The following CATSPERD variants were observed in gnomAD, a reference collection of about 807,000 sequenced individuals.
CATSPERD encodes cation channel sperm-associated auxiliary subunit delta.
A neutral mutation model predicts 98.1 loss-of-function variants in CATSPERD; 86 were observed. The observed-to-expected ratio is 0.88, with a 90% CI of 0.74 to 1.05. The LOEUF (loss-of-function observed/expected upper bound fraction) is 1.05, where lower values mean the gene tolerates loss of function less well. Ranked by LOEUF, CATSPERD falls within the 50% of genes least tolerant of loss-of-function variation. The pLI is 0.00. For missense variants in CATSPERD, 995 were observed against 1,005.7 expected (o/e 0.99, Z 0.14); for synonymous variants, 394 against 390.2 (o/e 1.01, Z -0.12).
chr19:5,763,624 A>AT (rs1346191759), intron 16 of CATSPERD, among the ~76,000 whole-genome samples: 1 of 151,888 alleles, frequency 6.6e-6, no homozygotes, highest in East Asian at 1.9e-4. Context: ...AGAAAGTAGG[A>AT]TGGGGGGTGT....
At chr19:5,742,265 TGTGCATGTGTGTACGTGTGTGTGC>T (rs1300922869) in intron 7 of CATSPERD, among the ~76,000 whole-genome samples, 4 of 150,196 alleles carry the variant, frequency 2.7e-5, no homozygotes, top group African/African-American at 9.9e-5. Flanking sequence ...TGGGTGTGCG[TGTGCATGTGTGTACGTGTGTGTGC>T]GTGTGTACGT....
chr19:5,768,681 T>C (rs2056589752), intron 18 of CATSPERD, among the ~76,000 whole-genome samples: 1 of 152,046 alleles, frequency 6.6e-6, no homozygotes, highest in Non-Finnish European at 1.5e-5. Context: ...TGGCCCAGGC[T>C]GGAGTGCAGC....
At chr19:5,759,193 T>G in intron 15 of CATSPERD, 49 bp downstream of exon 15, 2 of 1,550,102 alleles carry the variant, frequency 1.3e-6, no homozygotes, top group Non-Finnish European at 8.9e-7. Context: ...TACAGGGGTT[T>G]CCTTAGCAGG....
At chr19:5,737,727 G>A (rs1399046400) in intron 6 of CATSPERD, among the ~76,000 whole-genome samples, 1 of 151,098 alleles carries the variant, frequency 6.6e-6, no homozygotes, top group Non-Finnish European at 1.5e-5. Flanking sequence ...GCGTGTGCCT[G>A]TAATCCCAGC....
At chr19:5,734,875 T>C (rs1291834646) in intron 5 of CATSPERD, among the ~76,000 whole-genome samples, 1 of 151,518 alleles carries the variant, frequency 6.6e-6, no homozygotes, top group African/African-American at 2.4e-5. Flanking sequence ...CAGGGAAAAC[T>C]GAGGATGACC....
intron 7 of CATSPERD, among the ~76,000 whole-genome samples, chr19:5,741,800 G>GGGGGGGGGGGGGGGGGGGGGGGGGT (rs2055976568): frequency 1.3e-5 from 1 of 75,746 alleles, no homozygotes; most frequent in Non-Finnish European, 3.3e-5. Flanking sequence ...GGGGGGGGGT[G>GGGGGGGGGGGGGGGGGGGGGGGGGT]GTGTGGATCA....
At chr19:5,766,704 T>A (rs1273781666) in intron 17 of CATSPERD, among the ~76,000 whole-genome samples, 4 of 151,862 alleles carry the variant, frequency 2.6e-5, no homozygotes, top group Admixed American at 2.6e-4. Context: ...CACATTTTTT[T>A]TTTTTTGAGA....
At chr19:5,746,144 G>GGAA (rs1303502917) in intron 9 of CATSPERD, 81 bp downstream of exon 9, 2 of 1,494,218 alleles carry the variant, frequency 1.3e-6, no homozygotes, top group Non-Finnish European at 1.8e-6. Flanking sequence ...TAAGGGGAGG[G>GGAA]GAAGGAGCAA....
intron 7 of CATSPERD, among the ~76,000 whole-genome samples, chr19:5,741,990 C>T (rs560659614): frequency 1.7e-4 from 25 of 150,724 alleles, no homozygotes; most frequent in Non-Finnish European, 2.2e-4. Context: ...AAGCCCAGAT[C>T]GTGCCACTGC....
At chr19:5,770,896 G>T (rs1196775801) in intron 18 of CATSPERD, 48 bp from the exon 19 acceptor site, 1 of 1,560,142 alleles carries the variant, frequency 6.4e-7, no homozygotes, top group South Asian at 1.2e-5. Flanking sequence ...TTGGCAGACT[G>T]GGCAGGAACT....
At chr19:5,766,069 C>G in intron 16 of CATSPERD, 34 bp from the exon 17 acceptor site, 4 of 1,586,240 alleles carry the variant, frequency 2.5e-6, no homozygotes, top group Non-Finnish European at 3.5e-6. Flanking sequence ...CCCTCACTGA[C>G]CTGGGTCCAT....
Position 5,733,849 on chromosome 19 carries a change from C to A in CATSPERD, c.277-7C>A. On this transcript the variant is annotated splice_polypyrimidine_tract_variant and splice_region_variant and intron_variant, in intron 4 of 21. Coordinates refer to ENST00000381624, the MANE Select transcript of CATSPERD (RefSeq NM_152784.4). ...CTCATTGATATCATCCATATGATAA[C>A]TTTTAGGTCGGCGTACCAGAAGTGA... 1 of 1,592,228 alleles carries A rather than the reference C, an allele frequency of 6.3e-7. No individual in the cohort carries two copies. Among genetic ancestry groups the A allele is most frequent in the South Asian group, 1.1e-5 (1 of 89,682 alleles).
rs1568369949 is a variant in CATSPERD at position 5,766,086 on chromosome 19, G to A, written c.1507-17G>A. The A allele has an allele frequency of 9.9e-6, 16 of 1,609,536 alleles. No individual in the cohort carries two copies. The highest frequency in any genetic ancestry group is 1.3e-5 in the Non-Finnish European group (15 of 1,177,330). ...CTCACTGACCTGGGTCCATATTTCT[G>A]TCTCTCTCCTCTGCAGTCGACACTG... On this transcript the variant is annotated splice_polypyrimidine_tract_variant and intron_variant, in intron 16 of 21. Transcript: ENST00000381624.
chr19:5,754,266 C>T, intron 13 of CATSPERD, 21 bp downstream of exon 13: 1 of 1,559,738 alleles, frequency 6.4e-7, no homozygotes, highest in Non-Finnish European at 8.8e-7. Context: ...CTTAATGTTT[C>T]TGCTATCTGG....
In CATSPERD at chr19:5,733,838, C is replaced by A; in HGVS notation, c.277-18C>A. Reference sequence around the variant, plus strand: ...GAAAAGATGCTCTCATTGATATCATCCATATGATAACTTTTAGGTCGGCGT... The same window carrying A: ...GAAAAGATGCTCTCATTGATATCATACATATGATAACTTTTAGGTCGGCGT... On this transcript the variant is annotated intron_variant, in intron 4 of 21. Coordinates refer to ENST00000381624, the MANE Select transcript of CATSPERD (RefSeq NM_152784.4). 1.3e-6 allele frequency: 2 copies of A among 1,485,582 alleles called. No individual in the cohort carries two copies. Among genetic ancestry groups the A allele is most frequent in the Non-Finnish European group, 1.9e-6 (2 of 1,067,456 alleles). 92.0% of individuals were successfully genotyped at this position (1,485,582 alleles called of 1,614,324 possible). A position where few individuals can be genotyped will look rare whatever the true frequency, so the allele number is the denominator to read the frequency against.
intron 14 of CATSPERD, among the ~76,000 whole-genome samples, 156 bp downstream of exon 14, chr19:5,758,088 G>A (rs567477695): frequency 1.3e-5 from 2 of 152,220 alleles, no homozygotes; most frequent in East Asian, 3.9e-4. Flanking sequence ...TCAACCACAC[G>A]CTTGACCTCA....
At chr19:5,758,975 G>C in intron 14 of CATSPERD, 111 bp from the exon 15 acceptor site, 2 of 892,484 alleles carry the variant, frequency 2.2e-6, no homozygotes, top group Non-Finnish European at 3.7e-6. Flanking sequence ...GCGGCTTCCA[G>C]GTTCGTCCCC....
rs371617416 is a variant in CATSPERD, at chr19:5,734,735, G to A, written c.391+765G>A. ...GAGGATCCCTTGAGCCCAGGAAGTGGAGGTTGCAGTGAGCTGAGATTGGGC... is the reference window on the plus strand; with the variant it reads ...GAGGATCCCTTGAGCCCAGGAAGTGAAGGTTGCAGTGAGCTGAGATTGGGC... On this transcript the variant is annotated intron_variant, in intron 5 of 21. Transcript: ENST00000381624. Among the ~76,000 whole-genome samples, 33 of 151,842 alleles carry A rather than the reference G, an allele frequency of 2.2e-4. No individual in the cohort carries two copies. In the East Asian group the frequency reaches 5.8e-3, roughly 27 times the overall value.
chr19:5,773,014 G>C (rs181116583), intron 20 of CATSPERD, 49 bp downstream of exon 20: 30 of 1,574,488 alleles, frequency 1.9e-5, no homozygotes, highest in Middle Eastern at 1.7e-4. Context: ...GCCCACCAGG[G>C]GGTGGGAGAG....
Sources: allele counts gnomAD v4.1 joint callset (sites outside exome capture counted in the v4.1 genomes callset), GRCh38; gene constraint gnomAD v4.1.1; transcripts MANE v1.5; gene names NCBI Gene and HGNC (gene_info 2026-07-23, HGNC 2026-07-21).